TEAD1: variants seen among roughly 807,000 people sequenced by gnomAD.
TEAD1 encodes the protein transcriptional enhancer factor TEF-1.
In TEAD1, 9 loss-of-function variants were observed where a neutral mutation model predicts 54.9. The observed-to-expected ratio is 0.16, with a 90% CI of 0.10 to 0.29. TEAD1 has a LOEUF of 0.29. TEAD1 is among the 10% of genes least tolerant of loss of function. The pLI is 1.00. For synonymous variants in TEAD1, 200 were observed against 187.8 expected (o/e 1.07, Z -0.53); for missense variants, 387 against 535.9 (o/e 0.72, Z 2.74).
At chr11:12,925,560 T>G (rs1276563473) in intron 11 of TEAD1, among the ~76,000 whole-genome samples, 1 of 152,186 alleles carries the variant, frequency 6.6e-6, no homozygotes, top group East Asian at 1.9e-4. Context: ...TCCTGTTAAC[T>G]TCTAAAAAGC....
intron 2 of TEAD1, among the ~76,000 whole-genome samples, chr11:12,750,701 C>T (rs1214571823): frequency 2.0e-5 from 3 of 152,128 alleles, no homozygotes; most frequent in Non-Finnish European, 4.4e-5. Flanking sequence ...CTTACATTTT[C>T]AGCCTCTGCT....
At chr11:12,825,538 C>T (rs1057306665) in intron 3 of TEAD1, among the ~76,000 whole-genome samples, 8 of 152,058 alleles carry the variant, frequency 5.3e-5, no homozygotes, top group East Asian at 1.9e-4. Flanking sequence ...TGAGAGTTAT[C>T]CCATGTTCAT....
intron 3 of TEAD1, among the ~76,000 whole-genome samples, chr11:12,786,227 G>A (rs993595468): frequency 3.3e-5 from 5 of 152,232 alleles, no homozygotes; most frequent in African/African-American, 1.2e-4. Context: ...AGTAGAGCAG[G>A]TGGAGATGAA....
At chr11:12,924,835 T>TA in intron 10 of TEAD1, 77 bp from the exon 11 acceptor site, 2 of 1,573,860 alleles carry the variant, frequency 1.3e-6, no homozygotes, top group Non-Finnish European at 1.7e-6. Flanking sequence ...GCAGAGGTCT[T>TA]ACCCTGAAAG....
chr11:12,739,596 A>G (rs1172622703), intron 2 of TEAD1, among the ~76,000 whole-genome samples: 1 of 152,174 alleles, frequency 6.6e-6, no homozygotes, highest in Non-Finnish European at 1.5e-5. Flanking sequence ...TATTCTTGTC[A>G]TGGGTGTCAG....
intron 2 of TEAD1, among the ~76,000 whole-genome samples, chr11:12,737,797 T>C (rs1268612733): frequency 6.6e-6 from 1 of 152,148 alleles, no homozygotes; most frequent in African/African-American, 2.4e-5. Flanking sequence ...GAGGTGTATA[T>C]AGAGAAGCAT....
intron 1 of TEAD1, among the ~76,000 whole-genome samples, chr11:12,675,151 G>GCGCACACA (rs902684275): frequency 2.9e-4 from 43 of 150,110 alleles, no homozygotes; most frequent in South Asian, 6.2e-4. Flanking sequence ...CCGCCTGCAC[G>GCGCACACA]CGCACACACG....
intron 3 of TEAD1, among the ~76,000 whole-genome samples, chr11:12,824,694 G>T (rs1030656760): frequency 1.3e-5 from 2 of 152,194 alleles, no homozygotes; most frequent in African/African-American, 4.8e-5. Context: ...GGTGAGGGTT[G>T]GGGCCAGATT....
At chr11:12,903,761 A>G (rs1390333807) in intron 10 of TEAD1, among the ~76,000 whole-genome samples, 1 of 152,228 alleles carries the variant, frequency 6.6e-6, no homozygotes, top group Non-Finnish European at 1.5e-5. Context: ...GCACTGAGCT[A>G]TGATTGTGCC....
In TEAD1 at chr11:12,939,033, G is replaced by A. The variant is rs2134180894; in HGVS notation, c.*1811G>A. 6.6e-6 allele frequency: 1 copy of A among 152,300 alleles called. No homozygotes were observed. Among genetic ancestry groups the A allele is most frequent in the Non-Finnish European group, 1.5e-5 (1 of 68,058 alleles). The allele number at this position is 152,300 out of a possible 1,614,324, so 9.4% of individuals were successfully genotyped here. ...TTATTACATCAGTCAGCATCTTGTGGTCCCTAACATGAGGATGTGGCTGGC... is the reference window on the plus strand; with the variant it reads ...TTATTACATCAGTCAGCATCTTGTGATCCCTAACATGAGGATGTGGCTGGC... On this transcript the variant is annotated 3_prime_UTR_variant, in exon 13 of 13. Transcript: ENST00000527636.
intron 12 of TEAD1, among the ~76,000 whole-genome samples, chr11:12,932,124 C>A (rs140285566): frequency 6.6e-6 from 1 of 152,326 alleles, no homozygotes; most frequent in East Asian, 1.9e-4. Flanking sequence ...CCATGTCCTT[C>A]TAAAATTTAG....
intron 10 of TEAD1, among the ~76,000 whole-genome samples, chr11:12,914,491 T>C (rs1250443353): frequency 1.3e-5 from 2 of 152,184 alleles, no homozygotes; most frequent in Non-Finnish European, 2.9e-5. Flanking sequence ...TCAAAGACTC[T>C]TTTCTGAGGG....
intron 3 of TEAD1, among the ~76,000 whole-genome samples, chr11:12,783,158 TGTATGACAAAG>T (rs1401918602): frequency 6.7e-6 from 1 of 150,038 alleles, no homozygotes; most frequent in East Asian, 2.0e-4. Flanking sequence ...TTTAAATCAC[TGTATGACAAAG>T]GCCAGAGTTT....
chr11:12,917,520 A>G (rs2134151882), intron 10 of TEAD1, among the ~76,000 whole-genome samples: 1 of 152,290 alleles, frequency 6.6e-6, no homozygotes, highest in South Asian at 2.1e-4. Flanking sequence ...CTGTCTGGCA[A>G]TATTATTATT....
chr11:12,773,689 A>C (rs1011728364), intron 3 of TEAD1, among the ~76,000 whole-genome samples: 2 of 152,222 alleles, frequency 1.3e-5, no homozygotes, highest in Non-Finnish European at 2.9e-5. Context: ...GTGGTTTGCA[A>C]AGATTTTCTC....
intron 2 of TEAD1, among the ~76,000 whole-genome samples, chr11:12,703,572 T>C (rs993733310): frequency 2.0e-5 from 3 of 152,232 alleles, no homozygotes; most frequent in Non-Finnish European, 4.4e-5. Context: ...ATAAGTGTCT[T>C]ACAGCCACTT....
intron 2 of TEAD1, among the ~76,000 whole-genome samples, chr11:12,721,252 G>C (rs1013008072): frequency 6.6e-6 from 1 of 152,178 alleles, no homozygotes; most frequent in African/African-American, 2.4e-5. Context: ...CCCTTCTTGC[G>C]TTCTTGTTCC....
chr11:12,835,434 CAAG>C (rs1382905660), intron 3 of TEAD1, among the ~76,000 whole-genome samples: 3 of 151,636 alleles, frequency 2.0e-5, no homozygotes, highest in Admixed American at 1.3e-4. Context: ...TTCAGCCTCC[CAAG>C]TAGGTGGAAT....
At chr11:12,714,987 G>C (rs190674870) in intron 2 of TEAD1, among the ~76,000 whole-genome samples, 7 of 152,070 alleles carry the variant, frequency 4.6e-5, no homozygotes, top group Non-Finnish European at 1.5e-5. Flanking sequence ...TTTTTTGAGG[G>C]GGAGACACAA....
Sources: gnomAD v4.1 joint callset for allele counts (sites outside exome capture counted in the v4.1 genomes callset) on GRCh38, gnomAD v4.1.1 for gene constraint, MANE v1.5 for transcripts, NCBI Gene and HGNC (gene_info 2026-07-23, HGNC 2026-07-21) for gene names.